ATP10A: variants seen among roughly 807,000 people sequenced by gnomAD.
ATP10A encodes phospholipid-transporting ATPase VA.
A neutral mutation model predicts 147.8 loss-of-function variants in ATP10A; 111 were observed. The observed-to-expected ratio is 0.75, with a 90% confidence interval of 0.64 to 0.88. The LOEUF is 0.88. ATP10A is among the 40% of genes least tolerant of loss of function. The pLI, the probability that ATP10A is intolerant of heterozygous loss-of-function variation, is 0.00. For missense variants in ATP10A, 1,927 were observed against 1,959.0 expected (o/e 0.98, Z 0.31); for synonymous variants, 875 against 841.6 (o/e 1.04, Z -0.69).
At chr15:25,717,936 C>A (rs1901922479) in intron 8 of ATP10A, among the ~76,000 whole-genome samples, 1 of 152,196 alleles carries the variant, frequency 6.6e-6, no homozygotes, top group Non-Finnish European at 1.5e-5. Context: ...CTCTTTGTCA[C>A]CCTTTCTGGG....
At chr15:25,823,950 C>A (rs1477598234) in intron 1 of ATP10A, among the ~76,000 whole-genome samples, 1 of 152,180 alleles carries the variant, frequency 6.6e-6, no homozygotes, top group Non-Finnish European at 1.5e-5. Context: ...CACCTATGCA[C>A]CTCTGCAACT....
intron 12 of ATP10A, among the ~76,000 whole-genome samples, chr15:25,702,877 G>C (rs752025275): frequency 2.0e-5 from 3 of 151,816 alleles, no homozygotes; most frequent in Admixed American, 6.6e-5. Flanking sequence ...CCTTTACTGC[G>C]CTACACCATG....
At chr15:25,675,788 A>T (rs968909441), downstream of ATP10A, among the ~76,000 whole-genome samples, 6 of 152,226 alleles carry the variant, frequency 3.9e-5, no homozygotes, top group Non-Finnish European at 5.9e-5. Context: ...TATACAAAAA[A>T]TACAAAAATT....
chr15:25,723,781 T>G, intron 6 of ATP10A, 110 bp downstream of exon 6: 1 of 962,000 alleles, frequency 1.0e-6, no homozygotes, highest in Non-Finnish European at 1.4e-6. Flanking sequence ...TAGATATATT[T>G]GCCATCTTCC....
chr15:25,698,706 A>T (rs897321097), intron 13 of ATP10A, among the ~76,000 whole-genome samples: 5 of 152,216 alleles, frequency 3.3e-5, no homozygotes, highest in Non-Finnish European at 7.3e-5. Flanking sequence ...ACCTACAAAA[A>T]ATGTTGTACA....
chr15:25,829,031 G>T (rs2140864173), intron 1 of ATP10A, among the ~76,000 whole-genome samples: 1 of 152,274 alleles, frequency 6.6e-6, no homozygotes, highest in East Asian at 1.9e-4. Context: ...AAAGGAGGGG[G>T]TAACAGACAC....
At chr15:25,805,916 T>A (rs1271731925) in intron 1 of ATP10A, among the ~76,000 whole-genome samples, 1 of 152,210 alleles carries the variant, frequency 6.6e-6, no homozygotes, top group African/African-American at 2.4e-5. Flanking sequence ...TCCCAAGCCA[T>A]TTACCTTAAT....
intron 1 of ATP10A, among the ~76,000 whole-genome samples, chr15:25,856,167 A>C (rs1161563786): frequency 6.6e-6 from 1 of 152,174 alleles, no homozygotes; most frequent in African/African-American, 2.4e-5. Flanking sequence ...CTCACCTTGA[A>C]TTGTAATAAT....
At chr15:25,747,219 G>T (rs1479928825) in intron 2 of ATP10A, among the ~76,000 whole-genome samples, 1 of 149,410 alleles carries the variant, frequency 6.7e-6, no homozygotes, top group Non-Finnish European at 1.5e-5. Flanking sequence ...AACACGGGAG[G>T]CGGAGGTTAC....
intron 1 of ATP10A, among the ~76,000 whole-genome samples, chr15:25,822,950 G>A (rs772800886): frequency 6.6e-6 from 1 of 151,416 alleles, no homozygotes; most frequent in East Asian, 1.9e-4. Context: ...TCACTAAATT[G>A]TGAGTCATTT....
In ATP10A at chr15:25,739,418, G is replaced by T. The variant is rs115306113; in HGVS notation, c.655-3277C>A. ...GTAAAAAATCAGGAGCGAGCCCGGG[G>T]ACTTAGTGCTAGTTCTTCTGATTAA... On this transcript the variant is annotated intron_variant, in intron 2 of 20. Coordinates refer to ENST00000555815, the MANE Select transcript of ATP10A (RefSeq NM_024490.4). 6.7e-3 allele frequency among the ~76,000 whole-genome samples: 1,022 copies of T among 152,292 alleles called. 7 individuals carry two copies. Among genetic ancestry groups the T allele is most frequent in the African/African-American group, 0.023 (967 of 41,556 alleles).
chr15:25,731,332 T>TTATAAATATG (rs1473032133), intron 3 of ATP10A, among the ~76,000 whole-genome samples: 1 of 152,206 alleles, frequency 6.6e-6, no homozygotes, highest in Admixed American at 6.5e-5. Context: ...GACATAACAA[T>TTATAAATATG]TATAAATATG....
At chr15:25,821,173 G>A (rs999471937) in intron 1 of ATP10A, among the ~76,000 whole-genome samples, 8 of 152,174 alleles carry the variant, frequency 5.3e-5, no homozygotes, top group African/African-American at 1.7e-4. Context: ...GCTAAGACAC[G>A]TGGATCCTTT....
chr15:25,721,666 C>T lies in ATP10A; in HGVS notation c.1354G>A (p.Asp452Asn). 6 of 1,612,286 alleles carry T rather than the reference C, an allele frequency of 3.7e-6. No homozygotes were observed. The highest frequency in any genetic ancestry group is 4.2e-6 in the Non-Finnish European group (5 of 1,178,556). ...CTVSGVEYSHDANAQRLARYQ... is the reference protein window; with the variant it reads ...CTVSGVEYSHNANAQRLARYQ... ...GCACCCCCAGACTCACCATTTGCAT[C>T]ATGAGAATATTCTACACCAGACACA... Residue 452 changes from aspartate (D) to asparagine (N), a missense_variant, in exon 7 of 21, where the codon GAT (aspartate) becomes AAT (asparagine). By Grantham distance (23) the Asp-to-Asn change is conservative (BLOSUM62 1). Transcript: ENST00000555815.
At chr15:25,778,431 C>A in intron 2 of ATP10A, among the ~76,000 whole-genome samples, 1 of 149,796 alleles carries the variant, frequency 6.7e-6, no homozygotes, top group African/African-American at 2.5e-5. Context: ...TCATAGATTT[C>A]AGAATATAAT....
intron 3 of ATP10A, among the ~76,000 whole-genome samples, chr15:25,735,827 A>C (rs975176765): frequency 6.6e-6 from 1 of 152,272 alleles, no homozygotes; most frequent in Middle Eastern, 3.4e-3. Flanking sequence ...TCCTCCTCAC[A>C]GATGGTAGTG....
At chr15:25,756,055 T>A (rs1444241967) in intron 2 of ATP10A, among the ~76,000 whole-genome samples, 2 of 152,230 alleles carry the variant, frequency 1.3e-5, no homozygotes, top group African/African-American at 4.8e-5. Context: ...TACCCCTTCT[T>A]TGTTTTGGCA....
intron 2 of ATP10A, among the ~76,000 whole-genome samples, chr15:25,757,098 A>G (rs1888455229): frequency 6.6e-6 from 1 of 152,248 alleles, no homozygotes; most frequent in African/African-American, 2.4e-5. Context: ...TACTCATTAA[A>G]TGTTTAGGTC....
chr15:25,749,162 A>G (rs1888017771), intron 2 of ATP10A, among the ~76,000 whole-genome samples: 1 of 152,152 alleles, frequency 6.6e-6, no homozygotes, highest in South Asian at 2.1e-4. Flanking sequence ...GAACATACAT[A>G]CATATGCATG....
Sources: gnomAD v4.1 joint callset for allele counts (sites outside exome capture counted in the v4.1 genomes callset) on GRCh38, gnomAD v4.1.1 for gene constraint, MANE v1.5 for transcripts, NCBI Gene and HGNC (gene_info 2026-07-23, HGNC 2026-07-21) for gene names.